UBTD1: variants seen among roughly 807,000 people sequenced by gnomAD.
UBTD1 encodes the protein ubiquitin domain containing 1.
Under a neutral mutation model 21.7 loss-of-function variants are expected in UBTD1, and 19 were observed. The observed-to-expected ratio is 0.87, with a 90% CI of 0.61 to 1.28. The LOEUF is 1.28. UBTD1 is among the 50% of genes most tolerant of loss of function. The pLI is 0.00. For missense variants in UBTD1, 282 were observed against 315.1 expected, an observed-to-expected ratio of 0.89 and a Z score of 0.80; for synonymous variants, 116 against 135.1, an observed-to-expected ratio of 0.86 and a Z score of 0.98.
intron 1 of UBTD1, among the ~76,000 whole-genome samples, chr10:97,501,948 C>T (rs1477754976): frequency 1.3e-5 from 2 of 152,162 alleles, no homozygotes; most frequent in Non-Finnish European, 2.9e-5. Context: ...ACTTACTTAA[C>T]AATTATGTAC....
intron 1 of UBTD1, among the ~76,000 whole-genome samples, chr10:97,549,028 T>A (rs2040624298): frequency 1.3e-5 from 2 of 152,176 alleles, no homozygotes; most frequent in African/African-American, 4.8e-5. Context: ...ACCCCGTGAA[T>A]GTGTACGTTG....
intron 1 of UBTD1, among the ~76,000 whole-genome samples, chr10:97,562,021 C>T (rs1417989987): frequency 1.3e-5 from 2 of 152,176 alleles, no homozygotes; most frequent in Non-Finnish European, 2.9e-5. Flanking sequence ...ATCTGAAAAA[C>T]GAGTTCAGGC....
chr10:97,526,125 G>A (rs34716440), intron 1 of UBTD1, among the ~76,000 whole-genome samples: 63,982 of 151,990 alleles, frequency 0.42, 14,544 homozygotes, highest in Non-Finnish European at 0.51. Flanking sequence ...AAGCCTATTC[G>A]CAGTCATTGT....
rs115790244 is a variant in UBTD1, at chr10:97,551,856, G to A, written c.71-16058G>A. On this transcript the variant is annotated intron_variant, in intron 1 of 2. Transcript: ENST00000370664. The stretch of plus-strand genomic sequence containing the variant: ...AAATATAAACCAAGAAGAAATCATC[G>A]GTAACTGCCAATGAAATATAACCAC... Among the ~76,000 whole-genome samples, 459 of 152,076 alleles carry A rather than the reference G, an allele frequency of 3.0e-3. 4 individuals carry two copies. The highest frequency in any genetic ancestry group is 0.01 in the African/African-American group (419 of 41,472).
rs1375829048 is a variant in UBTD1, at chr10:97,570,556, C to A, written c.*33C>A. 1.9e-6 allele frequency: 3 copies of A among 1,560,812 alleles called. No homozygotes were observed. The highest frequency in any genetic ancestry group is 2.6e-6 in the Non-Finnish European group (3 of 1,147,626). On this transcript the variant is annotated 3_prime_UTR_variant, in exon 3 of 3. Coordinates refer to ENST00000370664, the MANE Select transcript of UBTD1 (RefSeq NM_024954.5). This position sits in a 1 kb window ranked among gnomAD's most constrained non-coding sequence, Gnocchi z 6.6. ...ACGGACCCCTGGGAAGAGGCCCCGCCTGGAGCACTAGGCCCCCACCCTGCT... is the reference window on the plus strand; with the variant it reads ...ACGGACCCCTGGGAAGAGGCCCCGCATGGAGCACTAGGCCCCCACCCTGCT...
chr10:97,498,965 G>C lies in UBTD1; in HGVS notation c.-239G>C, dbSNP rs1257667573. 1 of 445,844 alleles carries C rather than the reference G, an allele frequency of 2.2e-6. No homozygotes were observed. Among genetic ancestry groups the C allele is most frequent in the Non-Finnish European group, 3.9e-6 (1 of 254,900 alleles). The allele number at this position is 445,844 out of a possible 1,614,324, so 27.6% of individuals were successfully genotyped here. A position where few individuals can be genotyped will look rare whatever the true frequency, so the allele number is the denominator to read the frequency against. On this transcript the variant is annotated 5_prime_UTR_variant, in exon 1 of 3. Transcript: ENST00000370664. ...CGGAGCTGGTCTCCGGCCGGGCACC[G>C]TCGCGGGCCCCCCTGGCCCGGCCAC...
At chr10:97,548,405 G>T (rs1213782776) in intron 1 of UBTD1, among the ~76,000 whole-genome samples, 2 of 152,214 alleles carry the variant, frequency 1.3e-5, no homozygotes, top group Non-Finnish European at 2.9e-5. Context: ...AACAAGGGAA[G>T]TGCGGTAATT....
In UBTD1 at chr10:97,499,281, T is replaced by C; in HGVS notation, c.70+8T>C. The C allele has an allele frequency of 1.9e-6, 3 of 1,548,206 alleles. No homozygotes were observed. The highest frequency in any genetic ancestry group is 2.4e-5 in the South Asian group (2 of 83,542). ...ACCCCCGCAAGCGAGCAGGTAACGA[T>C]GGGGAAGGGAGCAGGGCCTCGGGCA... On this transcript the variant is annotated splice_region_variant and intron_variant, in intron 1 of 2. Coordinates refer to ENST00000370664, the MANE Select transcript of UBTD1 (RefSeq NM_024954.5).
At chr10:97,527,412 T>A (rs2040494740) in intron 1 of UBTD1, among the ~76,000 whole-genome samples, 1 of 151,820 alleles carries the variant, frequency 6.6e-6, no homozygotes, top group Non-Finnish European at 1.5e-5. Flanking sequence ...GTTGTGTCAC[T>A]GGCCCAGAGG....
At chr10:97,544,645 A>G (rs962578836) in intron 1 of UBTD1, among the ~76,000 whole-genome samples, 2 of 152,204 alleles carry the variant, frequency 1.3e-5, no homozygotes, top group East Asian at 1.9e-4. Context: ...TATTATGTGT[A>G]TTACATACTG....
At chr10:97,516,601 C>T (rs867145749) in intron 1 of UBTD1, among the ~76,000 whole-genome samples, 41 of 151,920 alleles carry the variant, frequency 2.7e-4, no homozygotes, top group African/African-American at 7.2e-4. Flanking sequence ...TGGTGAAACC[C>T]CGTCTCTACT....
At position 97,570,004 on chromosome 10, in the gene UBTD1, C is replaced by T; in HGVS notation, c.299-134C>T. The T allele has an allele frequency of 7.8e-7, 1 of 1,288,600 alleles. No individual in the cohort carries two copies. The highest frequency in any genetic ancestry group is 1.1e-6 in the Non-Finnish European group (1 of 942,880). The allele number at this position is 1,288,600 out of a possible 1,614,324, so 79.8% of individuals were successfully genotyped here. A position where few individuals can be genotyped will look rare whatever the true frequency, so the allele number is the denominator to read the frequency against. On this transcript the variant is annotated intron_variant, in intron 2 of 2. Transcript: ENST00000370664. The surrounding 1 kb of genome is among the most constrained non-coding windows in gnomAD (Gnocchi z 6.6). ...TGACCTCATTTAACTTTATTTATTT[C>T]TGTATAGGCCCCATGTCCAAATACA... is the stretch of plus-strand genomic sequence containing the variant.
At chr10:97,516,416 G>A (rs1272559958) in intron 1 of UBTD1, among the ~76,000 whole-genome samples, 1 of 152,232 alleles carries the variant, frequency 6.6e-6, no homozygotes, top group East Asian at 1.9e-4. Flanking sequence ...CAGCCAGTGA[G>A]GGGGCTGGAC....
intron 1 of UBTD1, among the ~76,000 whole-genome samples, chr10:97,547,197 C>T (rs562642487): frequency 1.1e-3 from 169 of 152,296 alleles, no homozygotes; most frequent in African/African-American, 4.0e-3. Flanking sequence ...GGCTGCCGTG[C>T]CGGTGCCCGT....
At chr10:97,505,205 A>G (rs1368652957) in intron 1 of UBTD1, among the ~76,000 whole-genome samples, 1 of 152,220 alleles carries the variant, frequency 6.6e-6, no homozygotes, top group East Asian at 1.9e-4. Flanking sequence ...TTAGAGCTGA[A>G]AAGGAACCTA....
At chr10:97,523,563 G>A (rs966737834) in intron 1 of UBTD1, among the ~76,000 whole-genome samples, 2 of 151,934 alleles carry the variant, frequency 1.3e-5, no homozygotes, top group African/African-American at 4.8e-5. Context: ...CTGTTTCCTT[G>A]CTAGCACTGA....
chr10:97,539,487 C>T (rs915280703), intron 1 of UBTD1, among the ~76,000 whole-genome samples: 58 of 151,524 alleles, frequency 3.8e-4, no homozygotes, highest in African/African-American at 1.3e-3. Context: ...CCCAGCTACT[C>T]GGGAGGCTAA....
intron 1 of UBTD1, 144 bp downstream of exon 1, chr10:97,499,417 G>A (rs1336890564): frequency 1.1e-5 from 12 of 1,094,956 alleles, no homozygotes; most frequent in African/African-American, 1.0e-4. Flanking sequence ...AGAGGGGGCC[G>A]CTCCCCAGCG....
chr10:97,525,491 A>T (rs1437256686), intron 1 of UBTD1, among the ~76,000 whole-genome samples: 6 of 152,160 alleles, frequency 3.9e-5, no homozygotes, highest in Admixed American at 3.9e-4. Context: ...CGGGAGAGAA[A>T]ACCAATAGCA....
Sources: allele counts gnomAD v4.1 joint callset (sites outside exome capture counted in the v4.1 genomes callset), GRCh38; gene constraint gnomAD v4.1.1; non-coding constraint Gnocchi (gnomAD v3.1); transcripts MANE v1.5; gene names NCBI Gene and HGNC (gene_info 2026-07-23, HGNC 2026-07-21).